The following SDK1 variants were observed in gnomAD, a reference collection of about 807,000 sequenced individuals.
The protein encoded by SDK1 is protein sidekick-1.
In SDK1, 157 loss-of-function variants were observed where a neutral mutation model predicts 245.5. That is an observed-to-expected ratio of 0.64 (90% CI 0.56 to 0.73). SDK1 has a LOEUF of 0.73. SDK1 is among the 30% of genes least tolerant of loss of function. The probability of loss-of-function intolerance (pLI) is 0.00; values close to 1 mark genes in which losing one functional copy is unlikely to be tolerated. For synonymous variants in SDK1, 1,647 were observed against 1,278.5 expected (o/e 1.29, Z -6.15); for missense variants, 3,583 against 3,002.3 (o/e 1.19, Z -4.52).
At chr7:3,343,672 G>C (rs886314776) in intron 1 of SDK1, among the ~76,000 whole-genome samples, 1 of 152,108 alleles carries the variant, frequency 6.6e-6, no homozygotes, top group African/African-American at 2.4e-5. Flanking sequence ...TGGGATCTCT[G>C]TAGTATTTCT....
chr7:3,821,173 A>T (rs191177440), intron 4 of SDK1, among the ~76,000 whole-genome samples: 1 of 152,178 alleles, frequency 6.6e-6, no homozygotes, highest in Non-Finnish European at 1.5e-5. Flanking sequence ...CTGGATGTCT[A>T]TGTTCCAGAA....
chr7:4,233,287 A>T lies in SDK1; in HGVS notation c.5860A>T (p.Ile1954Phe). The stretch of plus-strand genomic sequence containing the variant: ...CTTATGGGACATGTTTGTGAAGGAC[A>T]TCCCGCGGAGCGCCACATCCTACAC... ...EGLWDMFVKDIPRSATSYTLS... is the reference protein window; with the variant it reads ...EGLWDMFVKDFPRSATSYTLS... Residue 1954 changes from isoleucine to phenylalanine, a missense_variant, in exon 41 of 45, where the codon ATC becomes TTC. Physicochemically the swap from Ile to Phe is conservative, Grantham distance 21. Coordinates refer to ENST00000404826, the MANE Select transcript of SDK1 (RefSeq NM_152744.4). 5 of 1,613,952 alleles carry T rather than the reference A, an allele frequency of 3.1e-6. No individual in the cohort carries two copies. The highest frequency in any genetic ancestry group is 4.2e-6 in the Non-Finnish European group (5 of 1,180,004).
intron 1 of SDK1, among the ~76,000 whole-genome samples, chr7:3,515,426 T>C (rs1038650188): frequency 2.6e-5 from 4 of 152,212 alleles, no homozygotes; most frequent in Admixed American, 6.5e-5. Flanking sequence ...GTAATTACTT[T>C]AATGACAGTG....
At chr7:4,028,692 C>T (rs530346705) in intron 17 of SDK1, among the ~76,000 whole-genome samples, 2 of 152,350 alleles carry the variant, frequency 1.3e-5, no homozygotes, top group South Asian at 4.1e-4. Flanking sequence ...CTGGGAAGGT[C>T]TCATTGGCCA....
chr7:4,140,465 C>T (rs1351719549), intron 28 of SDK1, among the ~76,000 whole-genome samples: 1 of 152,212 alleles, frequency 6.6e-6, no homozygotes, highest in Admixed American at 6.5e-5. Flanking sequence ...GTTTCCCCCA[C>T]TCTGTGTCGG....
At chr7:3,303,163 TTTTC>T (rs999913734) in intron 1 of SDK1, among the ~76,000 whole-genome samples, 81 of 152,292 alleles carry the variant, frequency 5.3e-4, no homozygotes, top group African/African-American at 1.9e-3. Context: ...ACTTGGAAAA[TTTTC>T]ATTTCACTTA....
chr7:3,919,862 G>A (rs1013065149), intron 5 of SDK1, among the ~76,000 whole-genome samples: 1 of 152,134 alleles, frequency 6.6e-6, no homozygotes, highest in African/African-American at 2.4e-5. Flanking sequence ...CCTCAGGGAG[G>A]TCACATCCCT....
chr7:3,883,256 A>AG (rs1562511367), intron 5 of SDK1, among the ~76,000 whole-genome samples: 3 of 152,308 alleles, frequency 2.0e-5, no homozygotes, highest in Admixed American at 1.3e-4. Flanking sequence ...AGGATTTGTT[A>AG]GGGGGAAAAG....
chr7:3,366,287 A>G (rs555179067), intron 1 of SDK1, among the ~76,000 whole-genome samples: 4 of 152,154 alleles, frequency 2.6e-5, no homozygotes, highest in African/African-American at 9.6e-5. Flanking sequence ...TGTAAAAGAA[A>G]GTACTTGCTT....
chr7:3,311,962 A>T (rs929049756), intron 1 of SDK1, among the ~76,000 whole-genome samples: 1 of 152,174 alleles, frequency 6.6e-6, no homozygotes, highest in Non-Finnish European at 1.5e-5. Flanking sequence ...GGGTCTGCAT[A>T]GACTTGGAAG....
Position 4,206,463 on chromosome 7 carries a change from C to T in SDK1, c.5214+469C>T, listed in dbSNP as rs1784232734. 2.0e-5 allele frequency among the ~76,000 whole-genome samples: 3 copies of T among 152,308 alleles called. No homozygotes were observed. The South Asian group carries it at 6.2e-4, about 32-fold the overall frequency. On this transcript the variant is annotated intron_variant, in intron 36 of 44. Transcript: ENST00000404826. ...GATTCGGTCGGTCCAGGGTGGGGCC[C>T]GCCAGTCTCATTCCTCACAAGGTCC...
intron 41 of SDK1, among the ~76,000 whole-genome samples, chr7:4,234,139 G>A (rs1785992302): frequency 6.6e-6 from 1 of 152,236 alleles, no homozygotes. Flanking sequence ...GGACCTCCCA[G>A]AAAGCCAGCG....
chr7:3,798,209 CTCTTTTTTT>C (rs1391873087), intron 4 of SDK1, among the ~76,000 whole-genome samples: 29 of 119,718 alleles, frequency 2.4e-4, no homozygotes, highest in Non-Finnish European at 3.6e-4. Context: ...GACCTTGGCA[CTCTTTTTTT>C]TTTTTTTTTT....
In SDK1 at chr7:4,046,479, T is replaced by C. The variant is rs575169979; in HGVS notation, c.2603-2869T>C. Reference sequence around the variant, plus strand: ...CTGATCCATTTTGAGTTAGGTTTTATAAATGGTAAGAAATATAGATCTAGA... The same window carrying C: ...CTGATCCATTTTGAGTTAGGTTTTACAAATGGTAAGAAATATAGATCTAGA... On this transcript the variant is annotated intron_variant, in intron 17 of 44. Coordinates refer to ENST00000404826, the MANE Select transcript of SDK1 (RefSeq NM_152744.4). Among the ~76,000 whole-genome samples the C allele has an allele frequency of 3.3e-5, 5 of 152,358 alleles. No individual in the cohort carries two copies. In the East Asian group the frequency reaches 7.7e-4, roughly 23 times the overall value.
chr7:3,885,083 G>A (rs1175331606), intron 5 of SDK1, among the ~76,000 whole-genome samples: 1 of 152,116 alleles, frequency 6.6e-6, no homozygotes, highest in Non-Finnish European at 1.5e-5. Flanking sequence ...TGGCTAAGGG[G>A]TCAGGTGCAC....
chr7:3,307,900 T>G (rs1358292752), intron 1 of SDK1, among the ~76,000 whole-genome samples: 1 of 152,194 alleles, frequency 6.6e-6, no homozygotes, highest in Non-Finnish European at 1.5e-5. Context: ...TCTTCCTTTC[T>G]GCCCTTCACT....
intron 44 of SDK1, among the ~76,000 whole-genome samples, chr7:4,248,398 C>T (rs1435335024): frequency 2.0e-5 from 3 of 151,774 alleles, no homozygotes; most frequent in Non-Finnish European, 2.9e-5. Flanking sequence ...CATATGCACA[C>T]ATATGTACAC....
chr7:3,537,996 A>G (rs1481920233), intron 1 of SDK1, among the ~76,000 whole-genome samples: 1 of 152,218 alleles, frequency 6.6e-6, no homozygotes, highest in East Asian at 1.9e-4. Context: ...ATGTGGGGAA[A>G]GGGATCCAGG....
chr7:3,922,358 G>A (rs1237545342), intron 5 of SDK1, among the ~76,000 whole-genome samples: 1 of 152,204 alleles, frequency 6.6e-6, no homozygotes, highest in East Asian at 1.9e-4. Context: ...CAAGTTCACT[G>A]ACGTCATATT....
Sources: gnomAD v4.1 joint callset for allele counts (sites outside exome capture counted in the v4.1 genomes callset) on GRCh38, gnomAD v4.1.1 for gene constraint, MANE v1.5 for transcripts, NCBI Gene and HGNC (gene_info 2026-07-23, HGNC 2026-07-21) for gene names.